Variants in WDR89 observed in about 807,000 individuals in gnomAD.
WDR89 encodes the protein WD repeat domain 89, also known as WD repeat-containing protein 89.
WDR89 carries 17 observed loss-of-function variants against 29.1 expected under a neutral mutation model. The ratio of observed to expected loss-of-function variants is 0.58; its 90% CI spans 0.40 to 0.88. The LOEUF (loss-of-function observed/expected upper bound fraction) is 0.88. WDR89 is among the 40% of genes least tolerant of loss of function. The probability of loss-of-function intolerance (pLI) is 0.00; values close to 1 mark genes in which losing one functional copy is unlikely to be tolerated. For synonymous variants in WDR89, 138 were observed against 157.8 expected (o/e 0.87, Z 0.94); for missense variants, 396 against 456.3 (o/e 0.87, Z 1.20).
chr14:63,606,073 G>A (rs1895307197), intron 2 of WDR89, among the ~76,000 whole-genome samples: 1 of 151,570 alleles, frequency 6.6e-6, no homozygotes, highest in South Asian at 2.1e-4. Flanking sequence ...ATGGCTCACT[G>A]CAGCCTCAAC....
rs141955067 is a variant in WDR89, at chr14:63,601,560, G to A, written c.-31-1587C>T. On this transcript the variant is annotated intron_variant, in intron 2 of 2. Coordinates refer to ENST00000620954, the MANE Select transcript of WDR89 (RefSeq NM_080666.4). ...TCCACTCTTTGACCGAGTATTGGTT[G>A]AAAGGAGTGCTGTTGAAACTGTAAC... is the stretch of plus-strand genomic sequence containing the variant. 7.6e-5 allele frequency: 122 copies of A among 1,595,434 alleles called. 1 individual carries two copies. In the East Asian group the frequency reaches 2.7e-3, roughly 35 times the overall value.
chr14:63,629,816 A>G (rs1595036717), intron 1 of WDR89, among the ~76,000 whole-genome samples: 1 of 152,192 alleles, frequency 6.6e-6, no homozygotes, highest in Non-Finnish European at 1.5e-5. Flanking sequence ...AGGAGTTAGA[A>G]CATTCAGTGT....
intron 1 of WDR89, among the ~76,000 whole-genome samples, chr14:63,632,031 G>A (rs1054594591): frequency 2.0e-5 from 3 of 151,844 alleles, no homozygotes; most frequent in African/African-American, 7.3e-5. Flanking sequence ...AGAATTGCTT[G>A]AACCTGGGAG....
chr14:63,603,533 T>G (rs1895178598), intron 2 of WDR89, among the ~76,000 whole-genome samples: 1 of 152,220 alleles, frequency 6.6e-6, no homozygotes, highest in African/African-American at 2.4e-5. Flanking sequence ...TCTTTCTACC[T>G]TAGCAGGCAT....
intron 1 of WDR89, among the ~76,000 whole-genome samples, chr14:63,629,961 T>C (rs1883293492): frequency 6.6e-6 from 1 of 152,178 alleles, no homozygotes; most frequent in Admixed American, 6.5e-5. Flanking sequence ...ACATTTTTTT[T>C]TCTTGAGATG....
At chr14:63,604,355 A>G (rs992631997) in intron 2 of WDR89, among the ~76,000 whole-genome samples, 1 of 152,030 alleles carries the variant, frequency 6.6e-6, no homozygotes, top group Non-Finnish European at 1.5e-5. Context: ...GGAGGTTGCA[A>G]TGAGCCAAGA....
intron 2 of WDR89, chr14:63,601,496 G>T: frequency 7.5e-7 from 1 of 1,337,882 alleles, no homozygotes; most frequent in Non-Finnish European, 1.1e-6. Context: ...ACGAGTCTGA[G>T]GTGGAGGGAG....
chr14:63,617,047 T>A (rs1312573180), intron 2 of WDR89, among the ~76,000 whole-genome samples: 1 of 151,762 alleles, frequency 6.6e-6, no homozygotes, highest in Non-Finnish European at 1.5e-5. Context: ...AAATATGTTG[T>A]TGGTATATTA....
At chr14:63,617,559 C>T (rs1407919351) in intron 2 of WDR89, among the ~76,000 whole-genome samples, 2 of 151,878 alleles carry the variant, frequency 1.3e-5, no homozygotes, top group African/African-American at 4.8e-5. Flanking sequence ...GGAATGATCT[C>T]GGCTCACTGT....
At chr14:63,635,430 C>G (rs1595041144) in intron 1 of WDR89, among the ~76,000 whole-genome samples, 1 of 152,232 alleles carries the variant, frequency 6.6e-6, no homozygotes, top group Admixed American at 6.5e-5. Context: ...ATCCAGCATC[C>G]CTTTATGATT....
chr14:63,627,893 A>G (rs1883170370), intron 1 of WDR89, among the ~76,000 whole-genome samples: 2 of 151,994 alleles, frequency 1.3e-5, no homozygotes, highest in African/African-American at 4.8e-5. Flanking sequence ...TCGAGTAGAG[A>G]AAGTTATTTC....
At position 63,599,553 on chromosome 14, in the gene WDR89, AATAAT is replaced by A; in HGVS notation, c.385_389del (p.Ile129LeufsTer8). On this transcript the variant is annotated frameshift_variant, in exon 3 of 3. Coordinates refer to ENST00000620954, the MANE Select transcript of WDR89 (RefSeq NM_080666.4). LOFTEE classifies it high-confidence loss of function. The stretch of plus-strand genomic sequence containing the variant: ...CATCAACTTTTTCTGTACCAGCACA[AATAAT>A]ATGATCATTACAATTAATATCAAAA... 6.2e-7 allele frequency: 1 copy of A among 1,614,182 alleles called. No homozygotes were observed. Among genetic ancestry groups the A allele is most frequent in the Non-Finnish European group, 8.5e-7 (1 of 1,180,024 alleles).
intron 2 of WDR89, among the ~76,000 whole-genome samples, chr14:63,600,717 C>CAAAAAAAAAAAAAAAAAAAAAAAAA (rs56059698): frequency 2.8e-5 from 1 of 36,144 alleles, no homozygotes; most frequent in African/African-American, 5.9e-5. Flanking sequence ...GATATGTAGG[C>CAAAAAAAAAAAAAAAAAAAAAAAAA]AAAAAAAAAA....
intron 2 of WDR89, among the ~76,000 whole-genome samples, chr14:63,619,674 A>G (rs1016748681): frequency 3.9e-5 from 6 of 152,190 alleles, no homozygotes; most frequent in African/African-American, 1.4e-4. Flanking sequence ...AAACTATAGT[A>G]CAGCCAAAAT....
intron 2 of WDR89, among the ~76,000 whole-genome samples, chr14:63,602,527 C>T (rs974418793): frequency 6.8e-6 from 1 of 147,064 alleles, no homozygotes; most frequent in Non-Finnish European, 1.5e-5. Flanking sequence ...AATCCCAGCA[C>T]TTTGGGAGGC....
chr14:63,617,648 C>T (rs1342516167), intron 2 of WDR89, among the ~76,000 whole-genome samples: 1 of 152,142 alleles, frequency 6.6e-6, no homozygotes, highest in South Asian at 2.1e-4. Flanking sequence ...CCACGCCCAG[C>T]TAATTTTTGT....
chr14:63,635,546 C>T (rs189733450), intron 1 of WDR89, among the ~76,000 whole-genome samples: 2 of 152,172 alleles, frequency 1.3e-5, no homozygotes, highest in Admixed American at 1.3e-4. Context: ...AAGCTGAAAG[C>T]ATTCCCTCTG....
chr14:63,609,440 T>C (rs903940550), intron 2 of WDR89, among the ~76,000 whole-genome samples: 6 of 152,168 alleles, frequency 3.9e-5, no homozygotes, highest in African/African-American at 1.2e-4. Flanking sequence ...CACACCAAAT[T>C]GAGCCGGTGC....
intron 2 of WDR89, among the ~76,000 whole-genome samples, chr14:63,605,853 G>A (rs979412636): frequency 1.3e-5 from 2 of 152,120 alleles, no homozygotes; most frequent in East Asian, 1.9e-4. Context: ...CCTTCAAAGC[G>A]TATTCCAGAA....
Sources: allele counts gnomAD v4.1 joint callset (sites outside exome capture counted in the v4.1 genomes callset), GRCh38; gene constraint gnomAD v4.1.1; transcripts MANE v1.5; gene names NCBI Gene and HGNC (gene_info 2026-07-23, HGNC 2026-07-21).